ZSWIM5: variants seen among roughly 807,000 people sequenced by gnomAD.
ZSWIM5 encodes the protein zinc finger SWIM domain-containing protein 5.
A neutral mutation model predicts 119.6 loss-of-function variants in ZSWIM5; 55 were observed. The ratio of observed to expected loss-of-function variants is 0.46; its 90% CI spans 0.37 to 0.58. The LOEUF (loss-of-function observed/expected upper bound fraction) is 0.58. Among genes scored for constraint, ZSWIM5 ranks in the 20% least tolerant of loss-of-function variants. The pLI, the probability that ZSWIM5 is intolerant of heterozygous loss-of-function variation, is 0.00. For missense variants in ZSWIM5, 1,193 were observed against 1,512.8 expected (o/e 0.79, Z 3.51); for synonymous variants, 537 against 606.9 (o/e 0.88, Z 1.69).
chr1:45,059,484 T>C (rs1450299591), intron 3 of ZSWIM5, among the ~76,000 whole-genome samples: 1 of 151,936 alleles, frequency 6.6e-6, no homozygotes, highest in African/African-American at 2.4e-5. Flanking sequence ...AGTAGATTAG[T>C]GGTTTCTTAG....
chr1:45,112,837 G>A (rs1645526573), intron 1 of ZSWIM5, among the ~76,000 whole-genome samples: 1 of 152,212 alleles, frequency 6.6e-6, no homozygotes, highest in Non-Finnish European at 1.5e-5. Context: ...GGGAAACGAA[G>A]GCAAAGAGTA....
intron 2 of ZSWIM5, among the ~76,000 whole-genome samples, chr1:45,073,234 T>C (rs970548677): frequency 4.7e-5 from 7 of 148,898 alleles, no homozygotes; most frequent in Non-Finnish European, 8.9e-5. Flanking sequence ...TGTTCGCATA[T>C]ACAATTGCTA....
chr1:45,128,976 T>G (rs907607290), intron 1 of ZSWIM5, among the ~76,000 whole-genome samples: 4 of 152,126 alleles, frequency 2.6e-5, no homozygotes, highest in African/African-American at 9.7e-5. Context: ...ACAGCTCTTT[T>G]TAGCACCAAA....
At chr1:45,109,514 G>A (rs567974749) in intron 1 of ZSWIM5, among the ~76,000 whole-genome samples, 18 of 152,182 alleles carry the variant, frequency 1.2e-4, no homozygotes, top group Non-Finnish European at 1.9e-4. Flanking sequence ...GGGAGGCTGA[G>A]GTGGGCAGAT....
chr1:45,080,629 CT>C (rs963813272), intron 2 of ZSWIM5, among the ~76,000 whole-genome samples: 5 of 152,104 alleles, frequency 3.3e-5, no homozygotes, highest in African/African-American at 1.2e-4. Context: ...TATGTGGGTA[CT>C]TTTTTTGTGT....
intron 1 of ZSWIM5, 56 bp downstream of exon 1, chr1:45,205,700 G>A (rs371872676): frequency 1.4e-6 from 2 of 1,446,686 alleles, no homozygotes; most frequent in Middle Eastern, 1.8e-4. Context: ...GGGCCGAGAA[G>A]AGGCACCCGC....
chr1:45,137,179 T>C (rs958832780), intron 1 of ZSWIM5, among the ~76,000 whole-genome samples: 2 of 152,102 alleles, frequency 1.3e-5, no homozygotes, highest in Admixed American at 6.6e-5. Flanking sequence ...TCCTCCTGCC[T>C]CAGCCTCCCA....
At chr1:45,116,071 C>G (rs544246299) in intron 1 of ZSWIM5, among the ~76,000 whole-genome samples, 144 of 149,942 alleles carry the variant, frequency 9.6e-4, no homozygotes, top group Non-Finnish European at 1.7e-3. Flanking sequence ...AGTCCAGCCT[C>G]GGCTGGGCAT....
At chr1:45,182,499 A>G (rs548467020) in intron 1 of ZSWIM5, among the ~76,000 whole-genome samples, 4 of 152,222 alleles carry the variant, frequency 2.6e-5, no homozygotes, top group African/African-American at 7.2e-5. Context: ...GTATTCAGGA[A>G]ACCCATCTCA....
At chr1:45,114,015 G>T (rs1476015708) in intron 1 of ZSWIM5, among the ~76,000 whole-genome samples, 1 of 152,074 alleles carries the variant, frequency 6.6e-6, no homozygotes, top group African/African-American at 2.4e-5. Flanking sequence ...CATTCACTTG[G>T]CCAACCATTC....
intron 2 of ZSWIM5, among the ~76,000 whole-genome samples, chr1:45,069,181 C>T (rs898751615): frequency 6.6e-6 from 1 of 152,046 alleles, no homozygotes; most frequent in Non-Finnish European, 1.5e-5. Context: ...AATCCCAGCA[C>T]TTTGGGAGGC....
At chr1:45,137,609 G>GAGTCAAAAACTT (rs1645697537) in intron 1 of ZSWIM5, among the ~76,000 whole-genome samples, 1 of 152,104 alleles carries the variant, frequency 6.6e-6, no homozygotes, top group Non-Finnish European at 1.5e-5. Flanking sequence ...GTGAATATCT[G>GAGTCAAAAACTT]AGTCAAAAAC....
At chr1:45,178,648 T>C (rs369413232) in intron 1 of ZSWIM5, among the ~76,000 whole-genome samples, 4 of 152,288 alleles carry the variant, frequency 2.6e-5, no homozygotes, top group African/African-American at 7.2e-5. Flanking sequence ...AAAGTTTTAA[T>C]GTAATTTATA....
At chr1:45,176,823 A>G (rs976624641) in intron 1 of ZSWIM5, among the ~76,000 whole-genome samples, 1 of 151,806 alleles carries the variant, frequency 6.6e-6, no homozygotes, top group African/African-American at 2.4e-5. Context: ...TCACCCCTAT[A>G]CAAAAGTCAT....
intron 1 of ZSWIM5, among the ~76,000 whole-genome samples, chr1:45,091,800 C>T (rs769559231): frequency 3.0e-4 from 45 of 152,298 alleles, no homozygotes; most frequent in Non-Finnish European, 5.6e-4. Flanking sequence ...CCAACTTCTC[C>T]TTCCCTTCCT....
intron 1 of ZSWIM5, among the ~76,000 whole-genome samples, chr1:45,166,984 AC>A (rs1161864050): frequency 6.6e-6 from 1 of 152,166 alleles, no homozygotes; most frequent in African/African-American, 2.4e-5. Flanking sequence ...TAAAGTTCAG[AC>A]GGAACCAAAA....
chr1:45,196,626 G>A (rs1235384617), intron 1 of ZSWIM5, among the ~76,000 whole-genome samples: 2 of 150,614 alleles, frequency 1.3e-5, no homozygotes, highest in African/African-American at 2.4e-5. Flanking sequence ...TCCTGACCTC[G>A]TGATCTGACC....
chr1:45,182,407 A>C (rs563673655), intron 1 of ZSWIM5, among the ~76,000 whole-genome samples: 81 of 126,480 alleles, frequency 6.4e-4, no homozygotes, highest in East Asian at 5.1e-3. Context: ...CCGTCTCAAA[A>C]AAACAAACAA....
chr1:45,169,818 G>A (rs1476621335), intron 1 of ZSWIM5, among the ~76,000 whole-genome samples: 5 of 151,886 alleles, frequency 3.3e-5, no homozygotes, highest in Admixed American at 1.3e-4. Flanking sequence ...GAATACTTTC[G>A]TTAGCATTTC....
Sources: gnomAD v4.1 joint callset for allele counts (sites outside exome capture counted in the v4.1 genomes callset) on GRCh38, gnomAD v4.1.1 for gene constraint, MANE v1.5 for transcripts, NCBI Gene and HGNC (gene_info 2026-07-23, HGNC 2026-07-21) for gene names.